The following YTHDC2 variants were observed in gnomAD, a reference collection of about 807,000 sequenced individuals.
YTHDC2 encodes the protein 3'-5' RNA helicase YTHDC2.
A neutral mutation model predicts 174.9 loss-of-function variants in YTHDC2; 45 were observed. That is an observed-to-expected ratio of 0.26 (90% CI 0.20 to 0.33). The LOEUF (loss-of-function observed/expected upper bound fraction) is 0.33, where lower values mean the gene tolerates loss of function less well. Among genes scored for constraint, YTHDC2 ranks in the 10% least tolerant of loss-of-function variants. The pLI is 1.00. For synonymous variants in YTHDC2, 657 were observed against 574.5 expected (o/e 1.14, Z -2.05); for missense variants, 1,650 against 1,723.7 (o/e 0.96, Z 0.76).
intron 23 of YTHDC2, among the ~76,000 whole-genome samples, chr5:113,568,963 A>G (rs1179319978): frequency 1.3e-5 from 2 of 152,124 alleles, no homozygotes; most frequent in Admixed American, 6.6e-5. Context: ...ATTAATTTAC[A>G]CTAGTGTAAT....
chr5:113,535,570 G>C (rs1439550050), intron 6 of YTHDC2, 72 bp from the exon 7 acceptor site: 1 of 1,378,104 alleles, frequency 7.3e-7, no homozygotes, highest in African/African-American at 1.5e-5. Context: ...ACCCAGTGGT[G>C]CCATTGTTTT....
intron 10 of YTHDC2, among the ~76,000 whole-genome samples, chr5:113,545,663 G>A (rs879435571): frequency 1.3e-5 from 2 of 151,662 alleles, no homozygotes; most frequent in African/African-American, 4.8e-5. Flanking sequence ...AAAGTGCTGG[G>A]ATTACAGACA....
chr5:113,544,340 G>A (rs548359531), intron 10 of YTHDC2, among the ~76,000 whole-genome samples: 11 of 151,916 alleles, frequency 7.2e-5, no homozygotes, highest in Non-Finnish European at 1.3e-4. Flanking sequence ...TAGTAGAGAC[G>A]GAGTTTCACC....
intron 10 of YTHDC2, among the ~76,000 whole-genome samples, chr5:113,543,990 T>C (rs1379717736): frequency 6.6e-6 from 1 of 152,226 alleles, no homozygotes; most frequent in Non-Finnish European, 1.5e-5. Context: ...TTATTGTACT[T>C]TCATTACCTG....
At chr5:113,571,568 G>A (rs891572101) in intron 23 of YTHDC2, among the ~76,000 whole-genome samples, 1 of 152,160 alleles carries the variant, frequency 6.6e-6, no homozygotes, top group Non-Finnish European at 1.5e-5. Context: ...GCTCTTCTAT[G>A]TACTTCTGGT....
rs982149148 is a variant in YTHDC2, at chr5:113,593,598, C to T, written c.*124C>T. 11 of 386,682 alleles carry T rather than the reference C, an allele frequency of 2.8e-5. No homozygotes were observed. Among genetic ancestry groups the T allele is most frequent in the Non-Finnish European group, 4.7e-5 (10 of 213,202 alleles). 24.0% of individuals were successfully genotyped at this position (386,682 alleles called of 1,614,324 possible). On this transcript the variant is annotated 3_prime_UTR_variant, in exon 30 of 30. Transcript: ENST00000161863. Reference sequence around the variant, plus strand: ...GCTTTTTAACACTTTTAGAGTGTTGCTTTAGAACTACCATCTTCATATACA... The same window carrying T: ...GCTTTTTAACACTTTTAGAGTGTTGTTTTAGAACTACCATCTTCATATACA...
At chr5:113,566,117 T>G (rs1777312654) in intron 21 of YTHDC2, 98 bp downstream of exon 21, 1 of 1,289,190 alleles carries the variant, frequency 7.8e-7, no homozygotes, top group South Asian at 1.7e-5. Context: ...TCTATTATTT[T>G]TATGACATTA....
Position 113,561,146 on chromosome 5 carries a change from G to C in YTHDC2, c.2283G>C (p.Leu761Phe). The part of the protein sequence containing the change: ...LFSRLRFQNM[L>F]EFQTPELLRM... The stretch of plus-strand genomic sequence containing the variant: ...GTAGACTCCGATTCCAGAATATGTT[G>C]GAATTTCAGACTCCGGAACTTTTGA... Residue 761 changes from leucine (L) to phenylalanine (F), a missense_variant, in exon 18 of 30, where the codon TTG (leucine) becomes TTC (phenylalanine). Leu to Phe is a conservative substitution (Grantham distance 22). Around this residue, in one of 5 missense-constraint regions of YTHDC2, gnomAD observed 913 missense variants for 940.4 expected, o/e 0.97. Transcript: ENST00000161863. 1 of 1,612,462 alleles carries C rather than the reference G, an allele frequency of 6.2e-7. No homozygotes were observed. Among genetic ancestry groups the C allele is most frequent in the South Asian group, 1.1e-5 (1 of 90,808 alleles).
Position 113,567,838 on chromosome 5 carries a change from C to A in YTHDC2, c.3233C>A (p.Ser1078Ter). ...RLASNALQEPSSFRVDGIPND... is the reference protein window; with the variant it reads ...RLASNALQEP The stretch of plus-strand genomic sequence containing the variant: ...GCAAGTAATGCTCTTCAGGAACCTT[C>A]ATCCTTTAGAGGTAAATGTATTAAG... The change falls in exon 23 of 30, where the codon TCA becomes TAA. Residue 1078 changes from serine (S) to a stop codon, truncating the protein, a stop_gained. Coordinates refer to ENST00000161863, the MANE Select transcript of YTHDC2 (RefSeq NM_022828.5). LOFTEE classifies it high-confidence loss of function. The A allele has an allele frequency of 6.4e-7, 1 of 1,551,876 alleles. No homozygotes were observed. The highest frequency in any genetic ancestry group is 1.3e-5 in the South Asian group (1 of 78,524).
intron 16 of YTHDC2, 65 bp from the exon 17 acceptor site, chr5:113,555,987 C>T (rs1307748967): frequency 4.3e-6 from 4 of 937,942 alleles, no homozygotes; most frequent in East Asian, 2.7e-5. Flanking sequence ...ATGTTGATAA[C>T]ATTCTTGCTA....
At position 113,553,751 on chromosome 5, in the gene YTHDC2, T is replaced by G. The variant is rs1305175617; in HGVS notation, c.1965-16T>G. ...GACAGGTCTTATAGTATGTTTTCTC[T>G]TTCAATTGTCTGCAGATACCAAGTC... is the stretch of plus-strand genomic sequence containing the variant. On this transcript the variant is annotated splice_polypyrimidine_tract_variant and intron_variant, in intron 14 of 29. Transcript: ENST00000161863. 1.2e-6 allele frequency: 2 copies of G among 1,612,166 alleles called. No homozygotes were observed. Among genetic ancestry groups the G allele is most frequent in the Non-Finnish European group, 8.5e-7 (1 of 1,179,300 alleles).
chr5:113,524,656 T>C (rs1218847525), intron 2 of YTHDC2, among the ~76,000 whole-genome samples: 1 of 152,138 alleles, frequency 6.6e-6, no homozygotes, highest in Non-Finnish European at 1.5e-5. Flanking sequence ...TCTGTATGCT[T>C]CCCAGCATGT....
At chr5:113,523,937 A>G (rs190259378) in intron 2 of YTHDC2, among the ~76,000 whole-genome samples, 3 of 152,214 alleles carry the variant, frequency 2.0e-5, no homozygotes, top group Admixed American at 2.0e-4. Flanking sequence ...TTTATGAAAT[A>G]TTTTGGGTAA....
At chr5:113,529,024 A>AT (rs200805549) in intron 4 of YTHDC2, among the ~76,000 whole-genome samples, 2 of 149,210 alleles carry the variant, frequency 1.3e-5, no homozygotes, top group South Asian at 2.1e-4. Flanking sequence ...TTGCATCTTG[A>AT]TTTTTTTTTC....
At chr5:113,554,656 A>T (rs889184883) in intron 16 of YTHDC2, among the ~76,000 whole-genome samples, 9 of 152,086 alleles carry the variant, frequency 5.9e-5, no homozygotes, top group Non-Finnish European at 1.2e-4. Context: ...TGCAAGGCAG[A>T]TTGGAGTATT....
chr5:113,567,270 A>G lies in YTHDC2; in HGVS notation c.3021A>G (p.Ser1007=). The part of the protein sequence containing the change: ...KEKKVRFHPA[S]VLSQPQYKKI... ...AAAAAGTACGATTTCATCCTGCTTCAGTTCTCAGTCAGCCTCAATATAAAA... is the reference window on the plus strand; with the variant it reads ...AAAAAGTACGATTTCATCCTGCTTCGGTTCTCAGTCAGCCTCAATATAAAA... The change falls in exon 22 of 30, where the codon TCA becomes TCG. Residue 1007 remains serine, a synonymous_variant. Transcript: ENST00000161863. 1 of 1,612,590 alleles carries G rather than the reference A, an allele frequency of 6.2e-7. No homozygotes were observed. The highest frequency in any genetic ancestry group is 1.1e-5 in the South Asian group (1 of 90,688).
chr5:113,543,657 G>T (rs1053299438), intron 10 of YTHDC2, among the ~76,000 whole-genome samples: 3 of 152,208 alleles, frequency 2.0e-5, no homozygotes, highest in Non-Finnish European at 2.9e-5. Context: ...CAGGCTTCCA[G>T]TTACACTGTG....
intron 17 of YTHDC2, among the ~76,000 whole-genome samples, chr5:113,556,633 A>G (rs1375700257): frequency 1.3e-5 from 2 of 152,218 alleles, no homozygotes; most frequent in Non-Finnish European, 2.9e-5. Context: ...CATTGATGAA[A>G]ATGTTTAACA....
At chr5:113,526,509 A>ACCC in intron 3 of YTHDC2, 77 bp from the exon 4 acceptor site, 1 of 1,194,436 alleles carries the variant, frequency 8.4e-7, no homozygotes, top group Non-Finnish European at 1.1e-6. Flanking sequence ...TAGGTTTGGC[A>ACCC]AAAAAAATTA....
Sources: gnomAD v4.1 joint callset for allele counts (sites outside exome capture counted in the v4.1 genomes callset) on GRCh38, gnomAD v4.1.1 for gene constraint, gnomAD v4.1.1 regional missense constraint, MANE v1.5 for transcripts, NCBI Gene and HGNC (gene_info 2026-07-23, HGNC 2026-07-21) for gene names.